The following EFEMP1 variants were observed in gnomAD, a reference collection of about 807,000 sequenced individuals.
EFEMP1 encodes EGF-like fibulin extracellular matrix protein 1.
In EFEMP1, 18 loss-of-function variants were observed where a neutral mutation model predicts 65.7. The ratio of observed to expected loss-of-function variants is 0.27; its 90% CI spans 0.19 to 0.41. The LOEUF (loss-of-function observed/expected upper bound fraction) is 0.41, where lower values mean the gene tolerates loss of function less well. EFEMP1 is among the 10% of genes least tolerant of loss of function. The pLI, the probability that EFEMP1 is intolerant of heterozygous loss-of-function variation, is 1.00. For synonymous variants in EFEMP1, 237 were observed against 219.7 expected (o/e 1.08, Z -0.70); for missense variants, 469 against 624.8 (o/e 0.75, Z 2.66).
chr2:55,875,912 G>A (rs937805393), intron 8 of EFEMP1, among the ~76,000 whole-genome samples: 2 of 151,874 alleles, frequency 1.3e-5, no homozygotes, highest in Admixed American at 6.6e-5. Context: ...ATGGCATGAT[G>A]TGAGGCCTCT....
chr2:55,889,164 G>A (rs1669542179), intron 5 of EFEMP1, among the ~76,000 whole-genome samples: 1 of 152,210 alleles, frequency 6.6e-6, no homozygotes, highest in Non-Finnish European at 1.5e-5. Flanking sequence ...ATCATCACTT[G>A]AGGTCGCATA....
chr2:55,922,677 C>T lies in EFEMP1; in HGVS notation c.-8+222G>A, dbSNP rs1480230960. 1.9e-5 allele frequency: 10 copies of T among 512,866 alleles called. No homozygotes were observed. The highest frequency in any genetic ancestry group is 2.9e-5 in the Admixed American group (1 of 33,964). The allele number at this position is 512,866 out of a possible 1,614,324, so 31.8% of individuals were successfully genotyped here. A position where few individuals can be genotyped will look rare whatever the true frequency, so the allele number is the denominator to read the frequency against. On this transcript the variant is annotated intron_variant, in intron 2 of 11. Transcript: ENST00000355426. This position sits in a 1 kb window ranked among gnomAD's most constrained non-coding sequence, Gnocchi z 5.5. ...TGCTGTAGAATTGCATTTCACGTTA[C>T]TCCATCCTGCTACGCTGTTTACATA... is the stretch of plus-strand genomic sequence containing the variant.
intron 5 of EFEMP1, among the ~76,000 whole-genome samples, chr2:55,912,463 T>C (rs1240728363): frequency 1.3e-5 from 2 of 152,206 alleles, no homozygotes; most frequent in African/African-American, 4.8e-5. Context: ...CAAAGAAAGA[T>C]ATCCCTAGCA....
rs771649644 is a variant in EFEMP1, at chr2:55,867,234, G to C, written c.1321C>G (p.Gln441Glu). 1.9e-6 allele frequency: 3 copies of C among 1,613,412 alleles called. No homozygotes were observed. The highest frequency in any genetic ancestry group is 8.5e-7 in the Non-Finnish European group (1 of 1,179,744). Reference protein sequence around the residue: ...GNENGEFYLRQTSPVSAMLVL... With the variant: ...GNENGEFYLRETSPVSAMLVL... The stretch of plus-strand genomic sequence containing the variant: ...AGCATTGCACTTACAGGACTTGTTT[G>C]CTAAAATAAAAGAAAATAGAGAAAG... The change falls in exon 12 of 12, where the codon CAA becomes GAA. Residue 441 changes from glutamine (Q) to glutamate (E), a missense_variant and splice_region_variant. Around this residue, in one of 3 missense-constraint regions of EFEMP1, gnomAD observed 399 missense variants for 528.2 expected, o/e 0.76. Transcript: ENST00000355426. The surrounding 1 kb of genome is among the most constrained non-coding windows in gnomAD (Gnocchi z 4.3).
intron 5 of EFEMP1, among the ~76,000 whole-genome samples, chr2:55,914,367 C>T (rs72811711): frequency 0.013 from 1,998 of 152,212 alleles, 42 homozygotes; most frequent in African/African-American, 0.045. Flanking sequence ...GTATTTCAAA[C>T]TCCTTGTTTT....
At chr2:55,868,308 G>C (rs1386138777) in intron 11 of EFEMP1, among the ~76,000 whole-genome samples, 2 of 152,106 alleles carry the variant, frequency 1.3e-5, no homozygotes, top group Non-Finnish European at 2.9e-5. Context: ...TATGTGCTGA[G>C]GATAGAATAC....
At position 55,923,002 on chromosome 2, in the gene EFEMP1, C is replaced by A; in HGVS notation, c.-48-63G>T. Reference sequence around the variant, plus strand: ...TTATTTTTTAAACAAAATAACAAAACAAAACTCGGAGAGCAATCTTCCAGT... The same window carrying A: ...TTATTTTTTAAACAAAATAACAAAAAAAAACTCGGAGAGCAATCTTCCAGT... On this transcript the variant is annotated intron_variant, in intron 1 of 11. Coordinates refer to ENST00000355426, the MANE Select transcript of EFEMP1 (RefSeq NM_001039348.3). This position sits in a 1 kb window ranked among gnomAD's most constrained non-coding sequence, Gnocchi z 5.3. The A allele has an allele frequency of 1.0e-6, 1 of 997,658 alleles. No individual in the cohort carries two copies. 61.8% of individuals were successfully genotyped at this position (997,658 alleles called of 1,614,324 possible). A position where few individuals can be genotyped will look rare whatever the true frequency, so the allele number is the denominator to read the frequency against.
chr2:55,895,634 G>C (rs967600963), intron 5 of EFEMP1, among the ~76,000 whole-genome samples: 6 of 149,104 alleles, frequency 4.0e-5, no homozygotes, highest in Non-Finnish European at 5.9e-5. Context: ...CTCCGCCCCC[G>C]GGGTTCACGC....
At position 55,917,327 on chromosome 2, in the gene EFEMP1, G is replaced by A. The variant is rs1401500760; in HGVS notation, c.517+338C>T. ...CACATGAGGAACTGAAAAAAAAGCC[G>A]ATGCCTGGAACCCACCTCAGAGACT... On this transcript the variant is annotated intron_variant, in intron 5 of 11. Coordinates refer to ENST00000355426, the MANE Select transcript of EFEMP1 (RefSeq NM_001039348.3). This position sits in a 1 kb window ranked among gnomAD's most constrained non-coding sequence, Gnocchi z 6.3. Among the ~76,000 whole-genome samples, 5 of 152,108 alleles carry A rather than the reference G, an allele frequency of 3.3e-5. No individual in the cohort carries two copies. The highest frequency in any genetic ancestry group is 7.2e-5 in the African/African-American group (3 of 41,418).
chr2:55,878,494 G>C (rs1669118182), intron 6 of EFEMP1, among the ~76,000 whole-genome samples: 1 of 152,106 alleles, frequency 6.6e-6, no homozygotes, highest in Admixed American at 6.6e-5. Flanking sequence ...ACTATAAAAT[G>C]CTCAACTAAG....
intron 5 of EFEMP1, among the ~76,000 whole-genome samples, chr2:55,887,197 G>C (rs1455446716): frequency 2.0e-5 from 3 of 152,162 alleles, no homozygotes; most frequent in Non-Finnish European, 4.4e-5. Context: ...AACTTGCCCA[G>C]GGTCACACAG....
Position 55,918,613 on chromosome 2 carries a change from TA to T in EFEMP1, c.82-347del, listed in dbSNP as rs397760983. On this transcript the variant is annotated intron_variant, in intron 3 of 11. Coordinates refer to ENST00000355426, the MANE Select transcript of EFEMP1 (RefSeq NM_001039348.3). ...GCCTTTTTTCCCACATTGGAAATGT[TA>T]AAAAAAAAAAAGACCAAATTCTCTC... 2.1e-3 allele frequency among the ~76,000 whole-genome samples: 290 copies of T among 139,008 alleles called. 1 individual carries two copies. The highest frequency in any genetic ancestry group is 0.011 in the Middle Eastern group (3 of 264). The allele number at this position is 139,008 out of a possible 152,430, so 91.2% of individuals were successfully genotyped here.
intron 5 of EFEMP1, among the ~76,000 whole-genome samples, chr2:55,905,401 A>G (rs1008671170): frequency 4.6e-5 from 7 of 152,262 alleles, no homozygotes; most frequent in African/African-American, 1.7e-4. Flanking sequence ...TAATGTGTAA[A>G]GTCTGCCTGT....
rs1668909652 is a variant in EFEMP1, at chr2:55,873,638, T to G, written c.1000+1308A>C. Among the ~76,000 whole-genome samples, 1 of 152,056 alleles carries G rather than the reference T, an allele frequency of 6.6e-6. No homozygotes were observed. Among genetic ancestry groups the G allele is most frequent in the African/African-American group, 2.4e-5 (1 of 41,446 alleles). On this transcript the variant is annotated intron_variant, in intron 9 of 11. Coordinates refer to ENST00000355426, the MANE Select transcript of EFEMP1 (RefSeq NM_001039348.3). This position sits in a 1 kb window ranked among gnomAD's most constrained non-coding sequence, Gnocchi z 4.6. ...AAGTAAAATCATTGGAATGCAATGT[T>G]TTCCCATAATTAACATTTATAAAGT...
Position 55,876,743 on chromosome 2 carries a change from CT to C in EFEMP1, c.761-2del. ...TTGCTGGCATCACATTCATTTATAT[CT>C]GAAAAAAAGTTTTATATATATATAT... On this transcript the variant is annotated splice_acceptor_variant, in intron 7 of 11. Coordinates refer to ENST00000355426, the MANE Select transcript of EFEMP1 (RefSeq NM_001039348.3). LOFTEE classifies it high-confidence loss of function. 6.3e-7 allele frequency: 1 copy of C among 1,596,854 alleles called. No individual in the cohort carries two copies. Among genetic ancestry groups the C allele is most frequent in the Non-Finnish European group, 8.5e-7 (1 of 1,170,598 alleles).
chr2:55,869,612 G>A (rs993104118), intron 11 of EFEMP1, among the ~76,000 whole-genome samples: 18 of 151,972 alleles, frequency 1.2e-4, no homozygotes, highest in Admixed American at 3.3e-4. Flanking sequence ...CAGGATAAAT[G>A]GGTAAACATT....
intron 5 of EFEMP1, among the ~76,000 whole-genome samples, chr2:55,914,130 T>C (rs745741995): frequency 1.3e-5 from 2 of 152,108 alleles, no homozygotes; most frequent in African/African-American, 2.4e-5. Context: ...GTATCTGTTG[T>C]CTTTGAGGCA....
rs947502914 is a variant in EFEMP1, at chr2:55,867,512, T to C, written c.1321-278A>G. Among the ~76,000 whole-genome samples, 1 of 152,052 alleles carries C rather than the reference T, an allele frequency of 6.6e-6. No individual in the cohort carries two copies. The highest frequency in any genetic ancestry group is 2.4e-5 in the African/African-American group (1 of 41,396). On this transcript the variant is annotated intron_variant, in intron 11 of 11. Transcript: ENST00000355426. The surrounding 1 kb of genome is among the most constrained non-coding windows in gnomAD (Gnocchi z 4.3). The stretch of plus-strand genomic sequence containing the variant: ...CTCTGTTAACATTTTTCTTCACTTT[T>C]ATTGAGTAGTTGTGGACTTTACAGA...
intron 6 of EFEMP1, among the ~76,000 whole-genome samples, chr2:55,878,177 T>C (rs1669106590): frequency 6.6e-6 from 1 of 152,140 alleles, no homozygotes; most frequent in Admixed American, 6.5e-5. Context: ...TAAAAGCTTA[T>C]ATATAATTAC....
Sources: gnomAD v4.1 joint callset for allele counts (sites outside exome capture counted in the v4.1 genomes callset) on GRCh38, gnomAD v4.1.1 for gene constraint, gnomAD v4.1.1 regional missense constraint, Gnocchi (gnomAD v3.1) non-coding constraint, MANE v1.5 for transcripts, NCBI Gene and HGNC (gene_info 2026-07-23, HGNC 2026-07-21) for gene names.